ADIPOR1: variants seen among roughly 807,000 people sequenced by gnomAD.
The protein encoded by ADIPOR1 is adiponectin receptor protein 1.
A neutral mutation model predicts 37.5 loss-of-function variants in ADIPOR1; 15 were observed. The ratio of observed to expected loss-of-function variants is 0.40; its 90% confidence interval spans 0.27 to 0.62. ADIPOR1 has a LOEUF of 0.62. Ranked by LOEUF, ADIPOR1 falls within the 20% of genes least tolerant of loss-of-function variation. The pLI is 0.42. For missense variants in ADIPOR1, 286 were observed against 478.0 expected (o/e 0.60, Z 3.75); for synonymous variants, 173 against 173.2 (o/e 1.00, Z 0.01).
At chr1:202,952,537 C>G (rs1347889695) in intron 1 of ADIPOR1, among the ~76,000 whole-genome samples, 7 of 152,178 alleles carry the variant, frequency 4.6e-5, no homozygotes, top group African/African-American at 1.7e-4. Flanking sequence ...CTCTGACTCC[C>G]TAACTCTCTC....
chr1:202,949,579 CAAAA>C (rs57643319), intron 2 of ADIPOR1, among the ~76,000 whole-genome samples: 2 of 99,144 alleles, frequency 2.0e-5, no homozygotes, highest in African/African-American at 3.7e-5. Context: ...ACTCTGTCTC[CAAAA>C]AAAAAAAAAA....
chr1:202,943,059 G>C (rs1490059294), intron 6 of ADIPOR1, among the ~76,000 whole-genome samples: 8 of 151,974 alleles, frequency 5.3e-5, no homozygotes, highest in Non-Finnish European at 5.9e-5. Context: ...ATAAAAACAG[G>C]GTTTTACCAT....
At chr1:202,957,905 T>C (rs879421078) in intron 1 of ADIPOR1, among the ~76,000 whole-genome samples, 9 of 152,134 alleles carry the variant, frequency 5.9e-5, no homozygotes, top group Non-Finnish European at 1.3e-4. Context: ...GGCGCAGCAC[T>C]CACAGGACTG....
At chr1:202,944,346 T>C (rs1054557501) in intron 5 of ADIPOR1, 2 of 160,882 alleles carry the variant, frequency 1.2e-5, no homozygotes, top group Admixed American at 1.2e-4. Flanking sequence ...GGGAGTAGTA[T>C]TAAGGGATAC....
rs554555155 is a variant in ADIPOR1, at chr1:202,941,763, G to A, written c.1000-62C>T. 21 of 1,551,496 alleles carry A rather than the reference G, an allele frequency of 1.4e-5. No homozygotes were observed. In the East Asian group the frequency reaches 3.8e-4, roughly 28 times the overall value. On this transcript the variant is annotated intron_variant, in intron 7 of 7. Transcript: ENST00000340990. ...GCAAGGAGGAATAAGAAACAAGTAG[G>A]AGAAAGCATTTGCTTCTTCTAGTTT...
chr1:202,956,728 A>G (rs2102497049), intron 1 of ADIPOR1, among the ~76,000 whole-genome samples: 1 of 152,338 alleles, frequency 6.6e-6, no homozygotes, highest in South Asian at 2.1e-4. Context: ...CCAGGGCAGT[A>G]AACAATTCAT....
intron 1 of ADIPOR1, among the ~76,000 whole-genome samples, chr1:202,955,567 G>C (rs532151243): frequency 2.6e-5 from 4 of 151,978 alleles, no homozygotes; most frequent in African/African-American, 9.6e-5. Flanking sequence ...CAGTATACAG[G>C]CATATGAAGG....
intron 1 of ADIPOR1, among the ~76,000 whole-genome samples, chr1:202,951,958 A>G (rs905906845): frequency 3.3e-5 from 5 of 152,344 alleles, no homozygotes; most frequent in African/African-American, 1.2e-4. Flanking sequence ...CCCTACTCAA[A>G]TGAGTATTTC....
Position 202,942,031 on chromosome 1 carries a change from G to A in ADIPOR1, c.993C>T (p.Asp331=). 1 of 1,611,196 alleles carries A rather than the reference G, an allele frequency of 6.2e-7. No individual in the cohort carries two copies. The change falls in exon 7 of 8, where the codon GAC becomes GAT. Residue 331 remains aspartate (D), a synonymous_variant. Coordinates refer to ENST00000340990, the MANE Select transcript of ADIPOR1 (RefSeq NM_015999.6). ...TGGAAGATTCATTTCTTACCCATAT[G>A]TCAAATTTTCCAGGAAAGAAGCGCT... is the stretch of plus-strand genomic sequence containing the variant. ...IPERFFPGKF[D]IWFQSHQIFH...
At chr1:202,946,322 GTAGTT>G in intron 4 of ADIPOR1, 112 bp downstream of exon 4, 1 of 1,229,296 alleles carries the variant, frequency 8.1e-7, no homozygotes, top group East Asian at 2.4e-5. Flanking sequence ...AAAGTCATTA[GTAGTT>G]TAAAGGTAGA....
At position 202,951,043 on chromosome 1, in the gene ADIPOR1, C is replaced by A; in HGVS notation, c.28G>T (p.Ala10Ser). 1.2e-6 allele frequency: 2 copies of A among 1,614,124 alleles called. No homozygotes were observed. The highest frequency in any genetic ancestry group is 1.7e-6 in the Non-Finnish European group (2 of 1,180,020). The change falls in exon 2 of 8, where the codon GCA becomes TCA. Residue 10 changes from alanine to serine, a missense_variant. Ala to Ser is a moderately conservative substitution (Grantham distance 99, BLOSUM62 1). Transcript: ENST00000340990. Reference protein sequence around the residue: MSSHKGSVVAQGNGAPASNR... With the variant: MSSHKGSVVSQGNGAPASNR... ...CTGGCAGGAGCCCCATTCCCCTGTG[C>A]CACCACAGATCCTTTGTGGGAAGAC...
intron 3 of ADIPOR1, among the ~76,000 whole-genome samples, chr1:202,947,609 C>T (rs7544565): frequency 0.26 from 39,449 of 151,976 alleles, 5,530 homozygotes; most frequent in Middle Eastern, 0.45. Context: ...AAATTATAAA[C>T]GTTGTTTTAA....
chr1:202,949,369 A>G (rs1334872194), intron 2 of ADIPOR1, among the ~76,000 whole-genome samples: 1 of 151,292 alleles, frequency 6.6e-6, no homozygotes, highest in Non-Finnish European at 1.5e-5. Context: ...TCACGAGGTC[A>G]GGAGATCGAG....
intron 6 of ADIPOR1, among the ~76,000 whole-genome samples, chr1:202,942,522 C>T (rs149453009): frequency 6.6e-6 from 1 of 152,306 alleles, no homozygotes; most frequent in East Asian, 1.9e-4. Context: ...TGATGGCTAA[C>T]TTGGGTACAG....
intron 1 of ADIPOR1, among the ~76,000 whole-genome samples, chr1:202,956,296 C>A (rs1654780760): frequency 6.6e-6 from 1 of 152,202 alleles, no homozygotes; most frequent in Non-Finnish European, 1.5e-5. Context: ...GATAATGTAG[C>A]AGGAGTGTTA....
intron 6 of ADIPOR1, 100 bp from the exon 7 acceptor site, chr1:202,942,318 T>C: frequency 8.7e-7 from 1 of 1,143,954 alleles, no homozygotes; most frequent in South Asian, 1.7e-5. Context: ...GATAATTAGC[T>C]ATTTTTGGAT....
intron 1 of ADIPOR1, among the ~76,000 whole-genome samples, chr1:202,951,605 T>C (rs1654582038): frequency 6.6e-6 from 1 of 152,182 alleles, no homozygotes; most frequent in Admixed American, 6.5e-5. Flanking sequence ...TACAAGATCA[T>C]CCAGGCTTAG....
intron 5 of ADIPOR1, 157 bp from the exon 6 acceptor site, chr1:202,944,102 G>T: frequency 1.6e-6 from 1 of 632,186 alleles, no homozygotes. Context: ...CCTGTATTCT[G>T]GATTAAAATT....
Position 202,943,783 on chromosome 1 carries a change from A to G in ADIPOR1, c.780T>C (p.Thr260=). 3 of 1,613,648 alleles carry G rather than the reference A, an allele frequency of 1.9e-6. No homozygotes were observed. Among genetic ancestry groups the G allele is most frequent in the Non-Finnish European group, 2.5e-6 (3 of 1,179,996 alleles). ...CTGCTCTTGTCTGCCGGTGCTTAGG[A>G]GTGGCAAACCGGTCCCACTGCGCCA... ...IIVAQWDRFA[T]PKHRQTRAGV... is the part of the protein sequence containing the mutation. Residue 260 remains threonine (T), a synonymous_variant, in exon 6 of 8, where the codon ACT becomes ACC. Coordinates refer to ENST00000340990, the MANE Select transcript of ADIPOR1 (RefSeq NM_015999.6).
Sources: allele counts gnomAD v4.1 joint callset (sites outside exome capture counted in the v4.1 genomes callset), GRCh38; gene constraint gnomAD v4.1.1; transcripts MANE v1.5; gene names NCBI Gene and HGNC (gene_info 2026-07-23, HGNC 2026-07-21).